Variants in CCDC149 observed in about 807,000 individuals in gnomAD.
CCDC149 encodes the protein coiled-coil domain containing 149.
Under a neutral mutation model 59.9 loss-of-function variants are expected in CCDC149, and 45 were observed. That is an observed-to-expected ratio of 0.75 (90% CI 0.59 to 0.96). The LOEUF is 0.96. CCDC149 is among the 40% of genes least tolerant of loss of function. The probability of loss-of-function intolerance (pLI) is 0.00; values close to 1 mark genes in which losing one functional copy is unlikely to be tolerated. For synonymous variants in CCDC149, 245 were observed against 260.6 expected, an observed-to-expected ratio of 0.94 and a Z score of 0.58; for missense variants, 584 against 664.7, an observed-to-expected ratio of 0.88 and a Z score of 1.33.
chr4:24,901,683 G>A (rs1296951530), intron 1 of CCDC149, among the ~76,000 whole-genome samples: 1 of 152,108 alleles, frequency 6.6e-6, no homozygotes, highest in Admixed American at 6.5e-5. Context: ...CTTCCCAAGA[G>A]CTCAAGTACT....
chr4:24,939,939 G>A lies in CCDC149; in HGVS notation c.-65+40130C>T, dbSNP rs545550378. 2.0e-4 allele frequency among the ~76,000 whole-genome samples: 31 copies of A among 152,322 alleles called. No individual in the cohort carries two copies. The South Asian group carries it at 3.1e-3, about 15-fold the overall frequency. Reference sequence around the variant, plus strand: ...TCTCATTGGCGTACCTGAAAGTGACGGGGAGAATGGAACCAAGTTGGAAAA... The same window carrying A: ...TCTCATTGGCGTACCTGAAAGTGACAGGGAGAATGGAACCAAGTTGGAAAA... On this transcript the variant is annotated intron_variant, in intron 1 of 12. Coordinates refer to the CCDC149 transcript ENST00000389609.
chr4:24,892,890 C>T (rs539822145), intron 1 of CCDC149, among the ~76,000 whole-genome samples: 73 of 152,270 alleles, frequency 4.8e-4, no homozygotes, highest in African/African-American at 1.7e-3. Context: ...AGAAGCATGA[C>T]ACCAGCATCT....
chr4:24,971,311 T>G (rs142634714), intron 1 of CCDC149, among the ~76,000 whole-genome samples: 1 of 152,332 alleles, frequency 6.6e-6, no homozygotes, highest in Non-Finnish European at 1.5e-5. Flanking sequence ...CTCTGCCCTA[T>G]GGGCTTGTGT....
At chr4:24,816,539 A>G (rs1179681572) in intron 12 of CCDC149, among the ~76,000 whole-genome samples, 2 of 152,212 alleles carry the variant, frequency 1.3e-5, no homozygotes, top group Admixed American at 6.5e-5. Flanking sequence ...TAAAGATTCT[A>G]GAATCTTAAC....
chr4:24,832,292 C>T (rs1372941600), intron 8 of CCDC149, among the ~76,000 whole-genome samples: 6 of 152,194 alleles, frequency 3.9e-5, no homozygotes, highest in East Asian at 1.9e-4. Flanking sequence ...ACTTTAAAAT[C>T]GACTTAAAGA....
At chr4:24,828,903 GGGA>G (rs1247555534) in intron 9 of CCDC149, 1 of 152,462 alleles carries the variant, frequency 6.6e-6, no homozygotes, top group Non-Finnish European at 1.5e-5. Flanking sequence ...TCACAATGGA[GGGA>G]GGGAGTGCTG....
chr4:24,835,353 T>C (rs558486531), intron 7 of CCDC149, among the ~76,000 whole-genome samples: 1 of 152,332 alleles, frequency 6.6e-6, no homozygotes, highest in African/African-American at 2.4e-5. Flanking sequence ...AAGTCACTAG[T>C]AATGAAAATT....
intron 1 of CCDC149, among the ~76,000 whole-genome samples, chr4:24,906,054 T>C (rs539946731): frequency 3.3e-5 from 5 of 152,310 alleles, no homozygotes; most frequent in Admixed American, 6.5e-5. Context: ...AATTCTTAGA[T>C]GACTCAAGGA....
intron 10 of CCDC149, 128 bp from the exon 11 acceptor site, chr4:24,821,215 T>A: frequency 2.4e-6 from 1 of 418,486 alleles, no homozygotes; most frequent in Non-Finnish European, 4.1e-6. Flanking sequence ...TTCCATCTTT[T>A]AATATAAACT....
At chr4:24,872,734 A>G (rs4697487) in intron 3 of CCDC149, among the ~76,000 whole-genome samples, 1 of 151,156 alleles carries the variant, frequency 6.6e-6, no homozygotes, top group East Asian at 2.0e-4. Context: ...CCAAATGGTA[A>G]GCACCCACAG....
At chr4:24,971,546 T>C (rs936275584) in intron 1 of CCDC149, among the ~76,000 whole-genome samples, 3 of 152,190 alleles carry the variant, frequency 2.0e-5, no homozygotes, top group Non-Finnish European at 2.9e-5. Context: ...CTGCAAAAGG[T>C]ATAATTACCC....
intron 1 of CCDC149, among the ~76,000 whole-genome samples, chr4:24,889,504 A>G (rs974979005): frequency 3.3e-5 from 5 of 152,190 alleles, no homozygotes; most frequent in African/African-American, 9.7e-5. Context: ...AGGATGAAGC[A>G]CTAAAATTAC....
intron 1 of CCDC149, among the ~76,000 whole-genome samples, chr4:24,966,680 T>G (rs1723813521): frequency 6.6e-6 from 1 of 152,232 alleles, no homozygotes; most frequent in African/African-American, 2.4e-5. Context: ...CTCTTAAATT[T>G]GTGGAGACAG....
rs1392395711 is a variant in CCDC149 at position 24,869,032 on chromosome 4, G to T, written c.264+4649C>A. Among the ~76,000 whole-genome samples, 5 of 152,182 alleles carry T rather than the reference G, an allele frequency of 3.3e-5. No homozygotes were observed. In the East Asian group the frequency reaches 5.8e-4, roughly 18 times the overall value. ...TGTCCAGCACAGCAGCCGGCACTTG[G>T]TAAGAGTGAGCACTCAATGACACCG... On this transcript the variant is annotated intron_variant, in intron 3 of 12. Transcript: ENST00000635206.
At chr4:24,862,078 G>C (rs1340699309) in intron 3 of CCDC149, among the ~76,000 whole-genome samples, 2 of 152,180 alleles carry the variant, frequency 1.3e-5, no homozygotes, top group African/African-American at 4.8e-5. Flanking sequence ...GATGAATCTT[G>C]ATAGATAATA....
Position 24,863,047 on chromosome 4 carries a change from C to CT in CCDC149, c.265-9869dup, listed in dbSNP as rs569321692. On this transcript the variant is annotated intron_variant, in intron 3 of 12. Transcript: ENST00000635206. Reference sequence around the variant, plus strand: ...ATGGCTCAGGCCTGTAATCCCAGCACTTTGGGGGGCTGAGGCGGGAGGATC... The same window carrying CT: ...ATGGCTCAGGCCTGTAATCCCAGCACTTTTGGGGGGCTGAGGCGGGAGGATC... Among the ~76,000 whole-genome samples, 255 of 152,290 alleles carry CT rather than the reference C, an allele frequency of 1.7e-3. 1 individual carries two copies. The highest frequency in any genetic ancestry group is 5.8e-3 in the African/African-American group (240 of 41,566).
intron 1 of CCDC149, among the ~76,000 whole-genome samples, chr4:24,934,829 T>C (rs751695160): frequency 6.6e-6 from 1 of 152,164 alleles, no homozygotes; most frequent in African/African-American, 2.4e-5. Context: ...AACAAAGATA[T>C]GGGATGTGGC....
intron 9 of CCDC149, among the ~76,000 whole-genome samples, chr4:24,823,460 T>C (rs1715537792): frequency 6.6e-6 from 1 of 152,236 alleles, no homozygotes; most frequent in Admixed American, 6.5e-5. Context: ...CACTTTCCAT[T>C]GGGCTGGAAA....
intron 1 of CCDC149, among the ~76,000 whole-genome samples, chr4:24,959,340 C>T (rs1273460322): frequency 1.3e-5 from 2 of 152,226 alleles, no homozygotes; most frequent in African/African-American, 4.8e-5. Context: ...TCTGCCAACC[C>T]TAACATCTAA....
Sources: gnomAD v4.1 joint callset for allele counts (sites outside exome capture counted in the v4.1 genomes callset) on GRCh38, gnomAD v4.1.1 for gene constraint, MANE v1.5 for transcripts, NCBI Gene and HGNC (gene_info 2026-07-23, HGNC 2026-07-21) for gene names.